WWOX: variants seen among roughly 807,000 people sequenced by gnomAD.
WWOX encodes WW domain containing oxidoreductase.
A neutral mutation model predicts 46.2 loss-of-function variants in WWOX; 69 were observed. The observed-to-expected ratio is 1.49, with a 90% confidence interval of 1.23 to 1.82. The LOEUF (loss-of-function observed/expected upper bound fraction) is 1.82. Ranked by LOEUF, WWOX falls within the 40% of genes most tolerant of loss-of-function variation. WWOX has a pLI of 0.00. For synonymous variants in WWOX, 359 were observed against 202.6 expected (o/e 1.77, Z -6.56); for missense variants, 919 against 542.6 (o/e 1.69, Z -6.89).
chr16:79,026,317 G>C (rs529647248), intron 8 of WWOX, among the ~76,000 whole-genome samples: 2 of 151,680 alleles, frequency 1.3e-5, no homozygotes, highest in South Asian at 4.2e-4. Flanking sequence ...ATCCTCTGCC[G>C]GGGAGGCTCT....
rs75881638 is a variant in WWOX, at chr16:78,580,529, A to T, written c.1056+147777A>T. Among the ~76,000 whole-genome samples, 236 of 152,308 alleles carry T rather than the reference A, an allele frequency of 1.5e-3. 3 individuals are homozygous for T. The East Asian group carries it at 0.025, about 16-fold the overall frequency. On this transcript the variant is annotated intron_variant, in intron 8 of 8. Transcript: ENST00000566780. ...GCATTTATAAGCAGTCCCATCACGAACAAATTGCCAAATGCAAGGCCTGAA... is the reference window on the plus strand; with the variant it reads ...GCATTTATAAGCAGTCCCATCACGATCAAATTGCCAAATGCAAGGCCTGAA...
At chr16:78,491,412 C>T (rs2084780829) in intron 8 of WWOX, among the ~76,000 whole-genome samples, 1 of 152,122 alleles carries the variant, frequency 6.6e-6, no homozygotes, top group Non-Finnish European at 1.5e-5. Flanking sequence ...TAATTCTCTC[C>T]CTTTCCCCAC....
intron 8 of WWOX, among the ~76,000 whole-genome samples, chr16:79,210,297 A>G (rs1217640718): frequency 6.6e-6 from 1 of 152,152 alleles, no homozygotes; most frequent in Non-Finnish European, 1.5e-5. Flanking sequence ...ACGTCGTAAC[A>G]CCTTCCTTGG....
At chr16:78,834,629 G>T (rs1279194028) in intron 8 of WWOX, among the ~76,000 whole-genome samples, 2 of 152,096 alleles carry the variant, frequency 1.3e-5, no homozygotes, top group Non-Finnish European at 1.5e-5. Context: ...ATGAAGACAG[G>T]GTTCCAGGAA....
intron 8 of WWOX, among the ~76,000 whole-genome samples, chr16:78,606,865 C>T (rs142725183): frequency 6.6e-6 from 1 of 152,042 alleles, no homozygotes; most frequent in East Asian, 1.9e-4. Flanking sequence ...AGTACCTGAA[C>T]ACTTGAGTGG....
chr16:78,482,456 C>T (rs906362338), intron 8 of WWOX, among the ~76,000 whole-genome samples: 4 of 152,188 alleles, frequency 2.6e-5, no homozygotes, highest in Non-Finnish European at 4.4e-5. Flanking sequence ...CTCCTCACTT[C>T]AGGTGATCTG....
chr16:78,549,985 G>T (rs112889597), intron 8 of WWOX, among the ~76,000 whole-genome samples: 1 of 152,062 alleles, frequency 6.6e-6, no homozygotes, highest in Non-Finnish European at 1.5e-5. Context: ...TCCCACCCCC[G>T]CAACAATGAA....
At chr16:78,768,777 G>A (rs1232410187) in intron 8 of WWOX, among the ~76,000 whole-genome samples, 1 of 152,030 alleles carries the variant, frequency 6.6e-6, no homozygotes, top group Non-Finnish European at 1.5e-5. Context: ...CTTGCTGGTG[G>A]GTCTTTTTGT....
At chr16:78,463,078 G>C (rs1015354315) in intron 8 of WWOX, among the ~76,000 whole-genome samples, 1 of 152,182 alleles carries the variant, frequency 6.6e-6, no homozygotes, top group Admixed American at 6.5e-5. Flanking sequence ...GGCAGGGGCA[G>C]GTCTTTGTTT....
At chr16:78,818,032 C>T (rs1016334908) in intron 8 of WWOX, among the ~76,000 whole-genome samples, 9 of 152,122 alleles carry the variant, frequency 5.9e-5, no homozygotes, top group Admixed American at 5.2e-4. Context: ...AGATGGAGTC[C>T]AGCAAGGGTC....
chr16:79,072,721 T>A (rs551494081), intron 8 of WWOX, among the ~76,000 whole-genome samples: 2 of 152,338 alleles, frequency 1.3e-5, no homozygotes, highest in Admixed American at 1.3e-4. Flanking sequence ...CACAACAGCC[T>A]CTTCTTTTCT....
intron 8 of WWOX, among the ~76,000 whole-genome samples, chr16:78,521,464 C>T (rs116301095): frequency 2.4e-3 from 360 of 152,262 alleles, no homozygotes; most frequent in African/African-American, 8.4e-3. Flanking sequence ...AGACAAGGCT[C>T]AAGTTCATAT....
chr16:78,875,328 T>C (rs562640060), intron 8 of WWOX, among the ~76,000 whole-genome samples: 1 of 152,208 alleles, frequency 6.6e-6, no homozygotes, highest in East Asian at 1.9e-4. Context: ...GCAGCCATCT[T>C]GCTTTGTAAG....
At chr16:78,190,004 C>A (rs896947000) in intron 5 of WWOX, among the ~76,000 whole-genome samples, 2 of 152,154 alleles carry the variant, frequency 1.3e-5, no homozygotes, top group African/African-American at 4.8e-5. Flanking sequence ...CCAAACCTTT[C>A]CTATTGTGGC....
chr16:78,560,047 T>G (rs2044397095), intron 8 of WWOX, among the ~76,000 whole-genome samples: 1 of 152,244 alleles, frequency 6.6e-6, no homozygotes, highest in Non-Finnish European at 1.5e-5. Flanking sequence ...TCTTTTTTAG[T>G]GTACTTTTGG....
chr16:78,512,209 A>G (rs1597191599), intron 8 of WWOX, among the ~76,000 whole-genome samples: 1 of 152,210 alleles, frequency 6.6e-6, no homozygotes, highest in East Asian at 1.9e-4. Flanking sequence ...AAAAAGCCAT[A>G]TACATGGAGA....
At chr16:79,116,488 G>A (rs936950941) in intron 8 of WWOX, among the ~76,000 whole-genome samples, 5 of 152,186 alleles carry the variant, frequency 3.3e-5, no homozygotes, top group Non-Finnish European at 5.9e-5. Flanking sequence ...TCGCCTTCAG[G>A]AAGAGCAAGT....
At chr16:78,776,725 T>TA (rs1268558999) in intron 8 of WWOX, among the ~76,000 whole-genome samples, 1 of 152,090 alleles carries the variant, frequency 6.6e-6, no homozygotes, top group East Asian at 1.9e-4. Context: ...TCAGAAAACT[T>TA]ACGATCATGG....
At chr16:78,396,506 C>T (rs1410595622) in intron 6 of WWOX, among the ~76,000 whole-genome samples, 1 of 152,146 alleles carries the variant, frequency 6.6e-6, no homozygotes, top group African/African-American at 2.4e-5. Flanking sequence ...CTTTCCCTTC[C>T]ATAGAGAGTA....
Sources: allele counts gnomAD v4.1 joint callset (sites outside exome capture counted in the v4.1 genomes callset), GRCh38; gene constraint gnomAD v4.1.1; transcripts MANE v1.5; gene names NCBI Gene and HGNC (gene_info 2026-07-23, HGNC 2026-07-21).